ULK4: variants seen among roughly 807,000 people sequenced by gnomAD.
The protein encoded by ULK4 is unc-51 like kinase 4.
In ULK4, 133 loss-of-function variants were observed where a neutral mutation model predicts 160.6. The observed-to-expected ratio is 0.83, with a 90% confidence interval of 0.72 to 0.96. The LOEUF (loss-of-function observed/expected upper bound fraction) is 0.96. ULK4 is among the 40% of genes least tolerant of loss of function. The pLI is 0.00. For synonymous variants in ULK4, 534 were observed against 539.8 expected, an observed-to-expected ratio of 0.99 and a Z score of 0.15; for missense variants, 1,580 against 1,499.5, an observed-to-expected ratio of 1.05 and a Z score of -0.89.
chr3:41,600,738 G>T (rs1011836360), intron 31 of ULK4, among the ~76,000 whole-genome samples: 9 of 152,184 alleles, frequency 5.9e-5, no homozygotes, highest in Admixed American at 2.6e-4. Context: ...TGCCTCCACA[G>T]TAAACCGTGA....
rs187263421 is a variant in ULK4, at chr3:41,439,166, T to G, written c.3492+16331A>C. ...GCTAATAAATGAAGCTATTCTACTG[T>G]TGAAACATTAGCCACAGAACCTGGA... On this transcript the variant is annotated intron_variant, in intron 34 of 36. Coordinates refer to ENST00000301831, the MANE Select transcript of ULK4 (RefSeq NM_017886.4). Among the ~76,000 whole-genome samples, 877 of 152,270 alleles carry G rather than the reference T, an allele frequency of 5.8e-3. 1 individual carries two copies. The highest frequency in any genetic ancestry group is 9.3e-3 in the Non-Finnish European group (635 of 68,028).
chr3:41,847,833 G>C (rs754206698), intron 17 of ULK4, among the ~76,000 whole-genome samples: 2 of 152,128 alleles, frequency 1.3e-5, no homozygotes, highest in Non-Finnish European at 2.9e-5. Context: ...CTGTCTACCT[G>C]AAACTTCAAA....
chr3:41,594,814 G>C (rs902963921), intron 31 of ULK4, among the ~76,000 whole-genome samples: 1 of 152,214 alleles, frequency 6.6e-6, no homozygotes, highest in African/African-American at 2.4e-5. Flanking sequence ...GAAGCAGGGA[G>C]ATGAGTCAGG....
At chr3:41,696,304 C>A (rs1246517932) in intron 27 of ULK4, among the ~76,000 whole-genome samples, 2 of 152,154 alleles carry the variant, frequency 1.3e-5, no homozygotes, top group African/African-American at 4.8e-5. Context: ...ATAACAGTAG[C>A]AAAATTAGTG....
chr3:41,524,852 C>T (rs1332309567), intron 32 of ULK4, among the ~76,000 whole-genome samples: 5 of 152,064 alleles, frequency 3.3e-5, no homozygotes, highest in Non-Finnish European at 5.9e-5. Context: ...GCAGGGGAAT[C>T]GCTTGAACCC....
intron 32 of ULK4, among the ~76,000 whole-genome samples, chr3:41,481,432 A>G (rs1197066748): frequency 6.6e-6 from 1 of 152,226 alleles, no homozygotes; most frequent in Non-Finnish European, 1.5e-5. Context: ...GAGGTTAGGC[A>G]TCCTTAGCCT....
intron 30 of ULK4, among the ~76,000 whole-genome samples, chr3:41,635,189 T>C (rs1279433367): frequency 6.6e-6 from 1 of 152,148 alleles, no homozygotes; most frequent in African/African-American, 2.4e-5. Context: ...GAACTATTTC[T>C]AAGATCAGTC....
intron 34 of ULK4, among the ~76,000 whole-genome samples, chr3:41,425,153 A>G (rs903289355): frequency 1.5e-4 from 23 of 152,188 alleles, no homozygotes; most frequent in African/African-American, 5.1e-4. Flanking sequence ...CAATGCAACC[A>G]CAAGTATCAA....
rs187376237 is a variant in ULK4, at chr3:41,571,636, C to T, written c.3121-5506G>A. On this transcript the variant is annotated intron_variant, in intron 31 of 36. Coordinates refer to ENST00000301831, the MANE Select transcript of ULK4 (RefSeq NM_017886.4). ...GAAAGAGACAAGGGCACGCATGTTT[C>T]GTTCAAAGACCACAGGTCAGAGTTG... Among the ~76,000 whole-genome samples the T allele has an allele frequency of 4.3e-4, 66 of 152,248 alleles. 3 individuals are homozygous for T. The East Asian group carries it at 0.011, about 26-fold the overall frequency.
chr3:41,376,796 T>C (rs1442411795), intron 35 of ULK4, among the ~76,000 whole-genome samples: 1 of 150,038 alleles, frequency 6.7e-6, no homozygotes, highest in African/African-American at 2.5e-5. Flanking sequence ...ATGGCCATAA[T>C]ACCCAAGGTA....
chr3:41,960,863 C>A (rs2148851963), intron 1 of ULK4, among the ~76,000 whole-genome samples: 2 of 152,286 alleles, frequency 1.3e-5, no homozygotes, highest in East Asian at 3.9e-4. Flanking sequence ...GAGGGACACC[C>A]TTCTAATCAC....
At chr3:41,583,094 C>T (rs970160169) in intron 31 of ULK4, among the ~76,000 whole-genome samples, 53 of 152,118 alleles carry the variant, frequency 3.5e-4, no homozygotes, top group African/African-American at 1.3e-3. Flanking sequence ...GAACAGAGTA[C>T]TATTAGCTAT....
chr3:41,528,218 C>T (rs544847878), intron 32 of ULK4, among the ~76,000 whole-genome samples: 1 of 152,182 alleles, frequency 6.6e-6, no homozygotes, highest in African/African-American at 2.4e-5. Flanking sequence ...GGTAGACTCA[C>T]CCTGAAGAAG....
intron 32 of ULK4, among the ~76,000 whole-genome samples, chr3:41,493,723 G>A (rs2084880855): frequency 6.7e-6 from 1 of 150,060 alleles, no homozygotes; most frequent in Admixed American, 6.7e-5. Flanking sequence ...TCAAATAGAT[G>A]CAATAAAAAA....
rs192582360 is a variant in ULK4 at position 41,492,003 on chromosome 3, T to C, written c.3227-28750A>G. 3.3e-5 allele frequency among the ~76,000 whole-genome samples: 5 copies of C among 152,094 alleles called. No individual in the cohort carries two copies. In the East Asian group the frequency reaches 5.8e-4, roughly 18 times the overall value. ...GGTGTTTGGTTTTTTGTCTTTGCAA[T>C]AGTTTACTGAGAATGATGATTTCCA... On this transcript the variant is annotated intron_variant, in intron 32 of 36. Coordinates refer to ENST00000301831, the MANE Select transcript of ULK4 (RefSeq NM_017886.4).
At chr3:41,451,868 T>C (rs1016887834) in intron 34 of ULK4, among the ~76,000 whole-genome samples, 11 of 152,118 alleles carry the variant, frequency 7.2e-5, no homozygotes, top group African/African-American at 2.7e-4. Context: ...AAACGGAAGG[T>C]GTCAGCCTAA....
intron 22 of ULK4, among the ~76,000 whole-genome samples, chr3:41,726,024 A>G (rs759096689): frequency 6.6e-6 from 1 of 152,256 alleles, no homozygotes; most frequent in Non-Finnish European, 1.5e-5. Context: ...AGGAATCCAA[A>G]TGAAATCCTC....
intron 31 of ULK4, among the ~76,000 whole-genome samples, chr3:41,608,418 G>T (rs1349592788): frequency 1.3e-5 from 2 of 152,196 alleles, no homozygotes; most frequent in Non-Finnish European, 2.9e-5. Context: ...GGTAATCTCA[G>T]TTGTTTCTGT....
At chr3:41,306,204 C>CGCCAGCCGCCCT (rs2079926602) in intron 35 of ULK4, among the ~76,000 whole-genome samples, 1 of 84,806 alleles carries the variant, frequency 1.2e-5, no homozygotes, top group Non-Finnish European at 2.1e-5. Flanking sequence ...CCCCCCACCC[C>CGCCAGCCGCCCT]GCCCGGGAGG....
Sources: allele counts gnomAD v4.1 joint callset (sites outside exome capture counted in the v4.1 genomes callset), GRCh38; gene constraint gnomAD v4.1.1; transcripts MANE v1.5; gene names NCBI Gene and HGNC (gene_info 2026-07-23, HGNC 2026-07-21).